Variants in ALK observed in about 807,000 individuals in gnomAD.
ALK encodes ALK tyrosine kinase receptor.
In ALK, 74 loss-of-function variants were observed where a neutral mutation model predicts 163.1. The observed-to-expected ratio is 0.45, with a 90% CI of 0.38 to 0.55. The LOEUF is 0.55. Among genes scored for constraint, ALK ranks in the 20% least tolerant of loss-of-function variants. The probability of loss-of-function intolerance (pLI) is 0.00; values close to 1 mark genes in which losing one functional copy is unlikely to be tolerated. For synonymous variants in ALK, 960 were observed against 843.2 expected (o/e 1.14, Z -2.40); for missense variants, 2,063 against 2,105.3 (o/e 0.98, Z 0.39).
chr2:29,688,376 A>G (rs1456480727), intron 3 of ALK, among the ~76,000 whole-genome samples: 1 of 152,224 alleles, frequency 6.6e-6, no homozygotes, highest in Non-Finnish European at 1.5e-5. Flanking sequence ...ATGTGTGGCT[A>G]TATTTATTTT....
intron 5 of ALK, among the ~76,000 whole-genome samples, chr2:29,381,489 C>A (rs1396157219): frequency 1.3e-5 from 2 of 152,202 alleles, no homozygotes; most frequent in Non-Finnish European, 2.9e-5. Context: ...CTTGAGCCTT[C>A]TCCAGATGAA....
At chr2:29,883,624 G>A (rs1666919163) in intron 1 of ALK, among the ~76,000 whole-genome samples, 1 of 152,196 alleles carries the variant, frequency 6.6e-6, no homozygotes, top group Admixed American at 6.5e-5. Flanking sequence ...ATACAGAGAA[G>A]CCAACTAACT....
intron 4 of ALK, among the ~76,000 whole-genome samples, chr2:29,482,987 T>C (rs1458235216): frequency 6.6e-6 from 1 of 152,192 alleles, no homozygotes. Flanking sequence ...TACTAGGCTA[T>C]TCCTACGCAG....
chr2:29,498,464 C>T (rs998029387), intron 4 of ALK, among the ~76,000 whole-genome samples: 1 of 151,672 alleles, frequency 6.6e-6, no homozygotes, highest in Non-Finnish European at 1.5e-5. Flanking sequence ...TTCTCTGTGT[C>T]GACCTCATCC....
rs1344236918 is a variant in ALK, at chr2:29,233,679, C to G, written c.2373G>C (p.Gln791His). The G allele has an allele frequency of 6.2e-7, 1 of 1,614,128 alleles. No homozygotes were observed. The highest frequency in any genetic ancestry group is 1.3e-5 in the African/African-American group (1 of 74,946). The change falls in exon 14 of 29, where the codon CAG (glutamine) becomes CAC (histidine). Residue 791 changes from glutamine to histidine, a missense_variant. This residue lies in a region of ALK where 575 missense variants were observed against 626.6 expected (regional missense o/e 0.92). Transcript: ENST00000389048. Reference sequence around the variant, plus strand: ...CATTGTTCTCTCCAATGCAGACTTTCTGGATTAACTGGTTTGTCTGTAGAA... The same window carrying G: ...CATTGTTCTCTCCAATGCAGACTTTGTGGATTAACTGGTTTGTCTGTAGAA... ...DACPSTNQLI[Q>H]KVCIGENNVI...
chr2:29,906,942 T>TTTTTTG (rs1262638027), intron 1 of ALK, among the ~76,000 whole-genome samples: 142 of 19,698 alleles, frequency 7.2e-3, no homozygotes, highest in African/African-American at 0.016. Context: ...TTAAGGTTTT[T>TTTTTTG]TTTTTTTTTT....
At chr2:29,539,967 A>T (rs1673369019) in intron 3 of ALK, among the ~76,000 whole-genome samples, 1 of 152,168 alleles carries the variant, frequency 6.6e-6, no homozygotes, top group African/African-American at 2.4e-5. Flanking sequence ...ATTTATGGCA[A>T]TATAGTTATT....
intron 8 of ALK, among the ~76,000 whole-genome samples, chr2:29,299,592 A>G (rs1473360890): frequency 6.6e-6 from 1 of 152,256 alleles, no homozygotes; most frequent in East Asian, 1.9e-4. Flanking sequence ...AACTGAAATA[A>G]TAATTGATGT....
At chr2:29,266,007 C>T (rs947514200) in intron 11 of ALK, among the ~76,000 whole-genome samples, 3 of 152,088 alleles carry the variant, frequency 2.0e-5, no homozygotes, top group African/African-American at 4.8e-5. Flanking sequence ...CAAAACAAAA[C>T]AAAAACCCCA....
intron 3 of ALK, among the ~76,000 whole-genome samples, chr2:29,660,498 A>G (rs1414202574): frequency 7.0e-6 from 1 of 143,502 alleles, no homozygotes; most frequent in Non-Finnish European, 1.5e-5. Context: ...ACCAATCCCC[A>G]GGCCAATGCC....
chr2:29,301,443 C>T (rs1201031084), intron 8 of ALK, among the ~76,000 whole-genome samples: 5 of 152,162 alleles, frequency 3.3e-5, no homozygotes, highest in African/African-American at 1.2e-4. Context: ...GTTGTAGGAA[C>T]CAATCAATGT....
intron 13 of ALK, 30 bp from the exon 14 acceptor site, chr2:29,233,726 T>C (rs980029167): frequency 1.3e-5 from 21 of 1,614,048 alleles, no homozygotes; most frequent in Non-Finnish European, 1.8e-5. Context: ...GTTAGGTTTG[T>C]GGCCAAACCA....
Position 29,640,558 on chromosome 2 carries a change from G to A in ALK, c.952+54292C>T, listed in dbSNP as rs142818363. Among the ~76,000 whole-genome samples the A allele has an allele frequency of 3.3e-4, 51 of 152,296 alleles. 3 individuals carry two copies. In the East Asian group the frequency reaches 9.4e-3, roughly 28 times the overall value. ...TTCTGTACATGCCTATACATGAGAA[G>A]CTGGACAGGCCACATTCCTGTACAG... On this transcript the variant is annotated intron_variant, in intron 3 of 28. Coordinates refer to ENST00000389048, the MANE Select transcript of ALK (RefSeq NM_004304.5).
At chr2:29,245,613 C>T (rs1371231268) in intron 12 of ALK, among the ~76,000 whole-genome samples, 2 of 134,280 alleles carry the variant, frequency 1.5e-5, no homozygotes, top group African/African-American at 5.7e-5. Flanking sequence ...GCCCTGCACA[C>T]AGTAGGGGCT....
chr2:29,482,674 A>C (rs937535612), intron 4 of ALK, among the ~76,000 whole-genome samples: 1 of 152,154 alleles, frequency 6.6e-6, no homozygotes, highest in African/African-American at 2.4e-5. Flanking sequence ...AATGGAATGA[A>C]CTAAAAGTGT....
intron 1 of ALK, among the ~76,000 whole-genome samples, chr2:29,737,993 C>T (rs958940080): frequency 3.9e-5 from 6 of 152,010 alleles, no homozygotes; most frequent in South Asian, 2.1e-4. Context: ...GCCTGGTGGG[C>T]CTAATTTGAG....
At chr2:29,858,457 G>A (rs1012249410) in intron 1 of ALK, among the ~76,000 whole-genome samples, 3 of 151,942 alleles carry the variant, frequency 2.0e-5, no homozygotes, top group African/African-American at 7.3e-5. Context: ...CTGAGGCCGG[G>A]TGCGGTGGCT....
At chr2:29,446,357 A>C (rs1670683838) in intron 4 of ALK, among the ~76,000 whole-genome samples, 1 of 151,832 alleles carries the variant, frequency 6.6e-6, no homozygotes, top group African/African-American at 2.4e-5. Flanking sequence ...AATCCACTTG[A>C]CCCCTCCGAT....
At chr2:29,769,893 G>T (rs187825624) in intron 1 of ALK, among the ~76,000 whole-genome samples, 6 of 152,200 alleles carry the variant, frequency 3.9e-5, no homozygotes, top group African/African-American at 1.4e-4. Context: ...AGCTGCATCC[G>T]CAACTGATAG....
Sources: gnomAD v4.1 joint callset for allele counts (sites outside exome capture counted in the v4.1 genomes callset) on GRCh38, gnomAD v4.1.1 for gene constraint, gnomAD v4.1.1 regional missense constraint, MANE v1.5 for transcripts, NCBI Gene and HGNC (gene_info 2026-07-23, HGNC 2026-07-21) for gene names.